Variants in ADAMTSL1 observed in about 807,000 individuals in gnomAD.
The protein encoded by ADAMTSL1 is ADAMTS like 1.
In ADAMTSL1, 126 loss-of-function variants were observed where a neutral mutation model predicts 201.8. That is an observed-to-expected ratio of 0.62 (90% CI 0.54 to 0.72). The LOEUF (loss-of-function observed/expected upper bound fraction) is 0.72, where lower values mean the gene tolerates loss of function less well. Among genes scored for constraint, ADAMTSL1 ranks in the 30% least tolerant of loss-of-function variants. The probability of loss-of-function intolerance (pLI) is 0.00; values close to 1 mark genes in which losing one functional copy is unlikely to be tolerated. For synonymous variants in ADAMTSL1, 1,121 were observed against 903.4 expected, an observed-to-expected ratio of 1.24 and a Z score of -4.32; for missense variants, 2,679 against 2,277.8, an observed-to-expected ratio of 1.18 and a Z score of -3.59.
chr9:18,909,387 A>T lies in ADAMTSL1; in HGVS notation c.*839A>T, dbSNP rs10963836. 1.3e-5 allele frequency: 2 copies of T among 152,152 alleles called. No homozygotes were observed. The highest frequency in any genetic ancestry group is 4.8e-5 in the African/African-American group (2 of 41,394). 9.4% of individuals were successfully genotyped at this position (152,152 alleles called of 1,614,324 possible). A position where few individuals can be genotyped will look rare whatever the true frequency, so the allele number is the denominator to read the frequency against. On this transcript the variant is annotated 3_prime_UTR_variant, in exon 29 of 29. Transcript: ENST00000380548. ...GCTGCGTGGGAGTCCCCACTTCCCA[A>T]GCTATCAGAGTCAACGTCCTGCCTG...
chr9:18,816,553 A>G (rs1398567829), intron 20 of ADAMTSL1, among the ~76,000 whole-genome samples: 1 of 152,082 alleles, frequency 6.6e-6, no homozygotes, highest in Non-Finnish European at 1.5e-5. Flanking sequence ...ATTATTTCTT[A>G]TAACTGCAAG....
chr9:18,013,868 G>A (rs2131563318), intron 1 of ADAMTSL1, among the ~76,000 whole-genome samples: 1 of 152,038 alleles, frequency 6.6e-6, no homozygotes, highest in East Asian at 2.0e-4. Flanking sequence ...CTGTGATCAA[G>A]TTTTCCATAT....
chr9:18,640,301 AG>A (rs1284632958), intron 7 of ADAMTSL1, among the ~76,000 whole-genome samples: 5 of 152,164 alleles, frequency 3.3e-5, no homozygotes, highest in African/African-American at 1.2e-4. Flanking sequence ...AAGCCATCCG[AG>A]GTAGCTCACA....
chr9:18,556,812 A>C (rs1821136075), intron 3 of ADAMTSL1, among the ~76,000 whole-genome samples: 1 of 152,032 alleles, frequency 6.6e-6, no homozygotes. Flanking sequence ...CACTTTAATT[A>C]AAATTATATT....
intron 14 of ADAMTSL1, among the ~76,000 whole-genome samples, chr9:18,712,434 C>G (rs4461728): frequency 1.1e-4 from 17 of 150,918 alleles, no homozygotes; most frequent in Admixed American, 4.6e-4. Flanking sequence ...ACCAAGGCTC[C>G]AGAACTACGT....
At chr9:18,647,185 G>A (rs1284773924) in intron 7 of ADAMTSL1, among the ~76,000 whole-genome samples, 1 of 152,112 alleles carries the variant, frequency 6.6e-6, no homozygotes, top group East Asian at 1.9e-4. Context: ...AGAGGTGCTT[G>A]TAGTATCCTC....
At chr9:18,224,284 A>G (rs1319437513) in intron 2 of ADAMTSL1, among the ~76,000 whole-genome samples, 3 of 152,178 alleles carry the variant, frequency 2.0e-5, no homozygotes, top group African/African-American at 7.2e-5. Context: ...CTCTGCTTTC[A>G]AGATGGTGCC....
intron 2 of ADAMTSL1, among the ~76,000 whole-genome samples, chr9:18,426,300 A>G (rs548208836): frequency 6.6e-6 from 1 of 152,300 alleles, no homozygotes; most frequent in African/African-American, 2.4e-5. Context: ...AGACAGCTTT[A>G]TAGGAAGAAA....
At chr9:17,968,232 T>C (rs1413071848) in intron 1 of ADAMTSL1, among the ~76,000 whole-genome samples, 2 of 152,114 alleles carry the variant, frequency 1.3e-5, no homozygotes, top group African/African-American at 4.8e-5. Flanking sequence ...GTATTTATTC[T>C]ATACCTCCAG....
chr9:18,699,753 T>C (rs905165668), intron 13 of ADAMTSL1, among the ~76,000 whole-genome samples: 1 of 152,222 alleles, frequency 6.6e-6, no homozygotes. Flanking sequence ...AAAATTATCA[T>C]TTGTTTTATT....
chr9:18,611,690 T>C (rs1425923116), intron 4 of ADAMTSL1, among the ~76,000 whole-genome samples: 1 of 152,202 alleles, frequency 6.6e-6, no homozygotes, highest in Non-Finnish European at 1.5e-5. Context: ...GTTTAGATTC[T>C]TGACTTCAAG....
intron 1 of ADAMTSL1, among the ~76,000 whole-genome samples, chr9:18,029,199 A>G (rs1298133156): frequency 6.6e-6 from 1 of 152,170 alleles, no homozygotes; most frequent in East Asian, 1.9e-4. Flanking sequence ...CAATCATGTC[A>G]TCTGCAAACG....
chr9:17,991,060 A>G (rs1210020320), intron 1 of ADAMTSL1, among the ~76,000 whole-genome samples: 1 of 152,300 alleles, frequency 6.6e-6, no homozygotes, highest in East Asian at 1.9e-4. Flanking sequence ...TTAGTTCTAG[A>G]ATTTAACAAA....
At chr9:18,319,302 G>T (rs1834530011) in intron 2 of ADAMTSL1, among the ~76,000 whole-genome samples, 1 of 152,110 alleles carries the variant, frequency 6.6e-6, no homozygotes, top group African/African-American at 2.4e-5. Context: ...CCTAAATCAT[G>T]TGGAAATGTC....
intron 2 of ADAMTSL1, among the ~76,000 whole-genome samples, chr9:18,179,686 ACT>A (rs1828363581): frequency 6.6e-6 from 1 of 152,186 alleles, no homozygotes; most frequent in South Asian, 2.1e-4. Flanking sequence ...CTCGGCAGAA[ACT>A]CTACAAGCCA....
chr9:18,156,593 A>G (rs987402552), intron 1 of ADAMTSL1, among the ~76,000 whole-genome samples: 1 of 151,684 alleles, frequency 6.6e-6, no homozygotes, highest in African/African-American at 2.4e-5. Flanking sequence ...TTGGCATCGA[A>G]TGAGTATTTT....
intron 1 of ADAMTSL1, among the ~76,000 whole-genome samples, chr9:17,922,947 C>T (rs938729303): frequency 6.6e-6 from 1 of 152,164 alleles, no homozygotes. Flanking sequence ...TTACGCCCCT[C>T]GTGTAACCTG....
intron 3 of ADAMTSL1, among the ~76,000 whole-genome samples, chr9:18,559,121 T>G (rs968437762): frequency 1.3e-5 from 2 of 152,206 alleles, no homozygotes; most frequent in Non-Finnish European, 2.9e-5. Flanking sequence ...GGTTTTCTTC[T>G]AGAGTTTTTA....
chr9:18,904,663 A>AGG lies in ADAMTSL1; in HGVS notation c.4852-1119_4852-1118insGG. Among the ~76,000 whole-genome samples the AGG allele has an allele frequency of 1.7e-5, 2 of 119,426 alleles. 1 individual carries two copies. Among genetic ancestry groups the AGG allele is most frequent in the South Asian group, 5.4e-4 (2 of 3,734 alleles). 78.3% of individuals were successfully genotyped at this position (119,426 alleles called of 152,430 possible). ...AAAAAAAAAAAAAAAAAAAAAAAAA[A>AGG]AAAAAAAAAGGTCCGTTTATGTGTA... is the stretch of plus-strand genomic sequence containing the variant. On this transcript the variant is annotated intron_variant, in intron 26 of 28. Transcript: ENST00000380548.
Sources: gnomAD v4.1 joint callset for allele counts (sites outside exome capture counted in the v4.1 genomes callset) on GRCh38, gnomAD v4.1.1 for gene constraint, MANE v1.5 for transcripts, NCBI Gene and HGNC (gene_info 2026-07-23, HGNC 2026-07-21) for gene names.